Variants in ZNF117 observed in about 807,000 individuals in gnomAD.
ZNF117 encodes Krueppel-related zinc finger protein.
ZNF117 carries 37 observed loss-of-function variants against 41.2 expected under a neutral mutation model. The observed-to-expected ratio is 0.90, with a 90% CI of 0.69 to 1.18. ZNF117 has a LOEUF of 1.18. Among genes scored for constraint, ZNF117 ranks in the 50% most tolerant of loss-of-function variants. The pLI is 0.00. For missense variants in ZNF117, 546 were observed against 557.5 expected (o/e 0.98, Z 0.21); for synonymous variants, 186 against 186.6 (o/e 1.00, Z 0.02).
exon 3 of ZNF117, chr7:64,978,843 T>C (rs1330873000): frequency 1.2e-6 from 2 of 1,613,688 alleles, no homozygotes; most frequent in Non-Finnish European, 1.7e-6. Context: ...CTCTCCGGTA[T>C]GAATTAACTT....
exon 3 of ZNF117, chr7:64,978,342 A>T: frequency 6.2e-7 from 1 of 1,613,580 alleles, no homozygotes; most frequent in Non-Finnish European, 8.5e-7. Flanking sequence ...TCCAGTATGA[A>T]TTTTCTTACA....
chr7:64,983,431 T>C (rs1786072992), upstream of ZNF117, among the ~76,000 whole-genome samples: 2 of 152,206 alleles, frequency 1.3e-5, no homozygotes, highest in Non-Finnish European at 2.9e-5. Flanking sequence ...TCAGAGACCC[T>C]TGACTATCAT....
chr7:64,981,623 A>C lies in ZNF117; in HGVS notation c.-62-141T>G, dbSNP rs1222245548. The C allele has an allele frequency of 1.3e-5, 10 of 776,782 alleles. No homozygotes were observed. In the East Asian group the frequency reaches 3.1e-4, roughly 24 times the overall value. 48.1% of individuals were successfully genotyped at this position (776,782 alleles called of 1,614,324 possible). ...GCTAATTTATAACAAAAATTTCTAA[A>C]GATTTAGAAAATATTTTAAATTTGT... On this transcript the variant is annotated intron_variant, in intron 1 of 2. Coordinates refer to ENST00000620222, the Ensembl canonical transcript of ZNF117.
chr7:64,990,256 A>C (rs1294225320), exon 1 of ZNF117: 1 of 152,268 alleles, frequency 6.6e-6, no homozygotes, highest in Non-Finnish European at 1.5e-5. Flanking sequence ...TCATCCAGTC[A>C]GAATGCCTAT....
At chr7:64,986,156 TA>T (rs71061344), upstream of ZNF117, among the ~76,000 whole-genome samples, 149,700 of 151,568 alleles carry the variant, frequency 0.99, 73,947 homozygotes, top group East Asian at 1. Context: ...AAAGGTGTTA[TA>T]AAAAAAAAAT....
At chr7:64,973,089 T>C (rs922922037), downstream of ZNF117, 3 of 151,940 alleles carry the variant, frequency 2.0e-5, no homozygotes, top group Non-Finnish European at 4.4e-5. Flanking sequence ...AAGCTGACTA[T>C]AGTTAGGTGA....
At chr7:64,972,725 TG>T (rs1785802149), downstream of ZNF117, 1 of 152,102 alleles carries the variant, frequency 6.6e-6, no homozygotes, top group Non-Finnish European at 1.5e-5. Flanking sequence ...GAGATCTTTT[TG>T]TACAGCATAG....
chr7:64,979,210 G>T, exon 3 of ZNF117: 2 of 1,609,472 alleles, frequency 1.2e-6, no homozygotes, highest in South Asian at 2.2e-5. Context: ...AGGTGTGAAA[G>T]CATGCAAAAT....
rs1562983515 is a variant in ZNF117 at position 64,978,189 on chromosome 7, G to GT, written c.1381dup (p.Thr461AsnfsTer4). ...TTCAGTATGAATTATCTTATGTGTAGTAAGTGTTGAAGATTGGTTAAAAGC... is the reference window on the plus strand; with the variant it reads ...TTCAGTATGAATTATCTTATGTGTAGTTAAGTGTTGAAGATTGGTTAAAAGC... On this transcript the variant is annotated frameshift_variant, in exon 3 of 3. Transcript: ENST00000620222. LOFTEE classifies it high-confidence loss of function. The GT allele has an allele frequency of 5.0e-6, 8 of 1,611,908 alleles. No individual in the cohort carries two copies. The highest frequency in any genetic ancestry group is 1.3e-5 in the African/African-American group (1 of 74,600).
At chr7:64,977,728 A>G (rs966213766) in exon 3 of ZNF117, 3 of 895,954 alleles carry the variant, frequency 3.3e-6, no homozygotes, top group Admixed American at 1.9e-5. Flanking sequence ...CATTCTTCAC[A>G]TTTATATGGT....
At chr7:64,977,608 T>C (rs2129118301) in exon 3 of ZNF117, 24 of 623,462 alleles carry the variant, frequency 3.8e-5, no homozygotes, top group South Asian at 3.3e-4. Context: ...ATAGTAAGAG[T>C]TGACACTTGG....
intron 1 of ZNF117, 31 bp downstream of exon 2, chr7:64,981,953 G>T: frequency 1.9e-6 from 1 of 531,664 alleles, no homozygotes; most frequent in Non-Finnish European, 3.4e-6. Context: ...AAAACCTTTA[G>T]GGTATATTAG....
intron 2 of ZNF117, among the ~76,000 whole-genome samples, 160 bp from the exon 4 acceptor site, chr7:64,979,696 C>A (rs1390833343): frequency 6.6e-6 from 1 of 151,942 alleles, no homozygotes; most frequent in Non-Finnish European, 1.5e-5. Context: ...GTAACAAGAG[C>A]ATATTGACCA....
intron 2 of ZNF117, 104 bp downstream of exon 3, chr7:64,981,283 T>C: frequency 2.8e-6 from 4 of 1,445,688 alleles, no homozygotes; most frequent in Non-Finnish European, 2.9e-6. Flanking sequence ...TTCCAGAAAC[T>C]ATTTCCTTTG....
chr7:64,987,512 T>C (rs548060271), intron 1 of ZNF117, among the ~76,000 whole-genome samples: 3 of 152,092 alleles, frequency 2.0e-5, no homozygotes, highest in African/African-American at 7.2e-5. Flanking sequence ...AGTTAAATCT[T>C]TGGAAAAAAT....
At chr7:64,986,711 G>T (rs1360459245), upstream of ZNF117, among the ~76,000 whole-genome samples, 1 of 152,162 alleles carries the variant, frequency 6.6e-6, no homozygotes, top group African/African-American at 2.4e-5. Context: ...AGGTGGGTTT[G>T]TGTGACCCAG....
At chr7:64,989,300 A>C (rs184422906) in intron 1 of ZNF117, among the ~76,000 whole-genome samples, 1 of 151,686 alleles carries the variant, frequency 6.6e-6, no homozygotes, top group East Asian at 1.9e-4. Context: ...TACAAGAGCA[A>C]TGCAGGAAGA....
At chr7:64,984,978 G>A (rs375169440), upstream of ZNF117, among the ~76,000 whole-genome samples, 57 of 151,908 alleles carry the variant, frequency 3.8e-4, 1 homozygote, top group East Asian at 9.2e-3. Flanking sequence ...TTTTAGTAGA[G>A]ATGGAGTTTT....
At chr7:64,978,955 A>G in exon 3 of ZNF117, 2 of 1,613,442 alleles carry the variant, frequency 1.2e-6, no homozygotes, top group Non-Finnish European at 1.7e-6. Flanking sequence ...GTAAGGGTCG[A>G]TGACTGGTTA....
Sources: allele counts gnomAD v4.1 joint callset (sites outside exome capture counted in the v4.1 genomes callset), GRCh38; gene constraint gnomAD v4.1.1; transcripts MANE v1.5; gene names NCBI Gene and HGNC (gene_info 2026-07-23, HGNC 2026-07-21).